The following TRIM33 variants were observed in gnomAD, a reference collection of about 807,000 sequenced individuals.
TRIM33 encodes E3 ubiquitin-protein ligase TRIM33.
Under a neutral mutation model 125.4 loss-of-function variants are expected in TRIM33, and 20 were observed. The observed-to-expected ratio is 0.16, with a 90% CI of 0.11 to 0.23. The LOEUF (loss-of-function observed/expected upper bound fraction) is 0.23, where lower values mean the gene tolerates loss of function less well. Ranked by LOEUF, TRIM33 falls within the 10% of genes least tolerant of loss-of-function variation. The pLI is 1.00. For synonymous variants in TRIM33, 564 were observed against 513.9 expected (o/e 1.10, Z -1.32); for missense variants, 920 against 1,411.4 (o/e 0.65, Z 5.58).
intron 4 of TRIM33, among the ~76,000 whole-genome samples, chr1:114,458,370 G>C (rs1008855673): frequency 6.6e-6 from 1 of 152,152 alleles, no homozygotes; most frequent in African/African-American, 2.4e-5. Flanking sequence ...TCTAAGACTA[G>C]TGTTTGAGAT....
At chr1:114,432,929 T>C (rs1385455763) in intron 5 of TRIM33, among the ~76,000 whole-genome samples, 2 of 152,248 alleles carry the variant, frequency 1.3e-5, no homozygotes, top group Non-Finnish European at 2.9e-5. Context: ...CTAATATTTT[T>C]GAGTCTATAA....
chr1:114,453,332 C>T (rs1649432160), intron 4 of TRIM33, among the ~76,000 whole-genome samples: 1 of 151,342 alleles, frequency 6.6e-6, no homozygotes, highest in Admixed American at 6.6e-5. Flanking sequence ...CCACTGCACT[C>T]CAGCCTGGGC....
chr1:114,403,442 T>C (rs543379156), intron 15 of TRIM33, among the ~76,000 whole-genome samples: 159 of 152,162 alleles, frequency 1.0e-3, no homozygotes, highest in African/African-American at 3.6e-3. Context: ...ATAATCTTGG[T>C]TCACTGCAAC....
At chr1:114,407,391 C>T (rs933249383) in intron 13 of TRIM33, among the ~76,000 whole-genome samples, 42 of 152,034 alleles carry the variant, frequency 2.8e-4, no homozygotes, top group Non-Finnish European at 5.7e-4. Context: ...TTAGCTCTGT[C>T]CACTGAAAAG....
chr1:114,506,928 C>A (rs1653038918), intron 1 of TRIM33, among the ~76,000 whole-genome samples: 1 of 152,172 alleles, frequency 6.6e-6, no homozygotes, highest in South Asian at 2.1e-4. Flanking sequence ...GGAGTCATCA[C>A]CAAATCAACT....
At chr1:114,438,496 T>C (rs904162759) in intron 4 of TRIM33, among the ~76,000 whole-genome samples, 1 of 152,206 alleles carries the variant, frequency 6.6e-6, no homozygotes, top group Non-Finnish European at 1.5e-5. Flanking sequence ...TCATACTTTA[T>C]CTAAACATTT....
chr1:114,472,392 T>C (rs1162747102), intron 1 of TRIM33, among the ~76,000 whole-genome samples: 1 of 152,150 alleles, frequency 6.6e-6, no homozygotes, highest in African/African-American at 2.4e-5. Context: ...AAATAGAAAA[T>C]ACTTTATAAC....
chr1:114,498,926 AT>A (rs780001326), intron 1 of TRIM33, among the ~76,000 whole-genome samples: 4 of 152,192 alleles, frequency 2.6e-5, no homozygotes, highest in Non-Finnish European at 4.4e-5. Flanking sequence ...AGAAAAAAAA[AT>A]AGAAGCATAT....
intron 4 of TRIM33, among the ~76,000 whole-genome samples, chr1:114,454,240 CT>C (rs1226706587): frequency 2.0e-5 from 3 of 152,002 alleles, no homozygotes; most frequent in African/African-American, 4.8e-5. Flanking sequence ...ATTGATAAAC[CT>C]TTAATTCTTG....
At chr1:114,442,622 A>G (rs1224192135) in intron 4 of TRIM33, among the ~76,000 whole-genome samples, 1 of 142,830 alleles carries the variant, frequency 7.0e-6, no homozygotes. Flanking sequence ...CAGGAAGTGG[A>G]GGTTGCAGTA....
rs1651578352 is a variant in TRIM33, at chr1:114,397,146, T to C, written c.*502A>G. 4.4e-6 allele frequency: 1 copy of C among 228,728 alleles called. No homozygotes were observed. Among genetic ancestry groups the C allele is most frequent in the Non-Finnish European group, 8.7e-6 (1 of 114,826 alleles). The allele number at this position is 228,728 out of a possible 1,614,324, so 14.2% of individuals were successfully genotyped here. A position where few individuals can be genotyped will look rare whatever the true frequency, so the allele number is the denominator to read the frequency against. On this transcript the variant is annotated 3_prime_UTR_variant, in exon 20 of 20. Coordinates refer to ENST00000358465, the MANE Select transcript of TRIM33 (RefSeq NM_015906.4). Reference sequence around the variant, plus strand: ...GGCATGATTCAATGCAAATCTGCACTGACATTAAAGTAGAATCTGAGCTAC... The same window carrying C: ...GGCATGATTCAATGCAAATCTGCACCGACATTAAAGTAGAATCTGAGCTAC...
intron 11 of TRIM33, among the ~76,000 whole-genome samples, chr1:114,418,849 A>T (rs1321631916): frequency 6.6e-6 from 1 of 151,806 alleles, no homozygotes; most frequent in Non-Finnish European, 1.5e-5. Context: ...CACCCCTATG[A>T]CTGCATTCCC....
At chr1:114,453,008 G>A (rs1649407476) in intron 4 of TRIM33, among the ~76,000 whole-genome samples, 1 of 152,094 alleles carries the variant, frequency 6.6e-6, no homozygotes, top group South Asian at 2.1e-4. Flanking sequence ...CTTAAGTCCA[G>A]AGCGAGGAAG....
chr1:114,405,301 T>C, intron 15 of TRIM33, 109 bp downstream of exon 15: 2 of 795,598 alleles, frequency 2.5e-6, no homozygotes, highest in East Asian at 2.5e-5. Flanking sequence ...CTCCCTGTTT[T>C]ATAGAAATAC....
chr1:114,424,841 G>T, intron 9 of TRIM33, 86 bp from the exon 10 acceptor site: 1 of 1,005,394 alleles, frequency 9.9e-7, no homozygotes, highest in Non-Finnish European at 1.3e-6. Flanking sequence ...AAATAATTCA[G>T]TCAAGATAAA....
intron 17 of TRIM33, among the ~76,000 whole-genome samples, chr1:114,400,379 T>C (rs961863987): frequency 6.6e-6 from 1 of 152,146 alleles, no homozygotes; most frequent in African/African-American, 2.4e-5. Flanking sequence ...AATTTTTATA[T>C]TTTCAGTAGA....
rs754660334 is a variant in TRIM33 at position 114,433,749 on chromosome 1, A to G, written c.924-16T>C. ...AAACTGATACCTTAAAACCAAAACAAAACTACATTTAAAACAAAACATTTA... is the reference window on the plus strand; with the variant it reads ...AAACTGATACCTTAAAACCAAAACAGAACTACATTTAAAACAAAACATTTA... On this transcript the variant is annotated splice_polypyrimidine_tract_variant and intron_variant, in intron 4 of 19. Transcript: ENST00000358465. 3.5e-6 allele frequency: 5 copies of G among 1,426,052 alleles called. No homozygotes were observed. In the Admixed American group the frequency reaches 9.6e-5, roughly 27 times the overall value. The allele number at this position is 1,426,052 out of a possible 1,614,324, so 88.3% of individuals were successfully genotyped here. A position where few individuals can be genotyped will look rare whatever the true frequency, so the allele number is the denominator to read the frequency against.
intron 1 of TRIM33, among the ~76,000 whole-genome samples, chr1:114,505,154 A>C (rs1652919871): frequency 6.6e-6 from 1 of 152,228 alleles, no homozygotes; most frequent in African/African-American, 2.4e-5. Context: ...TAAATGGTAG[A>C]GCTCAAAAAT....
intron 1 of TRIM33, among the ~76,000 whole-genome samples, chr1:114,501,791 A>G (rs184639132): frequency 1.3e-3 from 176 of 140,310 alleles, no homozygotes; most frequent in South Asian, 3.5e-3. Flanking sequence ...ACACATGGAC[A>G]AATAATTCAC....
Sources: gnomAD v4.1 joint callset for allele counts (sites outside exome capture counted in the v4.1 genomes callset) on GRCh38, gnomAD v4.1.1 for gene constraint, MANE v1.5 for transcripts, NCBI Gene and HGNC (gene_info 2026-07-23, HGNC 2026-07-21) for gene names.